Variants in GNAQ observed in about 807,000 individuals in gnomAD.
GNAQ encodes G protein subunit alpha q.
GNAQ carries 8 observed loss-of-function variants against 43.9 expected under a neutral mutation model. The observed-to-expected ratio is 0.18, with a 90% CI of 0.11 to 0.33. The LOEUF (loss-of-function observed/expected upper bound fraction) is 0.33. Among genes scored for constraint, GNAQ ranks in the 10% least tolerant of loss-of-function variants. GNAQ has a pLI of 1.00. For missense variants in GNAQ, 158 were observed against 450.8 expected, an observed-to-expected ratio of 0.35 and a Z score of 5.88; for synonymous variants, 155 against 170.7, an observed-to-expected ratio of 0.91 and a Z score of 0.71.
At chr9:77,810,007 T>C (rs1252267336) in intron 3 of GNAQ, among the ~76,000 whole-genome samples, 1 of 152,152 alleles carries the variant, frequency 6.6e-6, no homozygotes, top group Non-Finnish European at 1.5e-5. Flanking sequence ...CAAAAACCTA[T>C]TGGGTTTGTT....
intron 2 of GNAQ, among the ~76,000 whole-genome samples, chr9:77,882,408 A>G (rs984705164): frequency 6.6e-6 from 1 of 152,232 alleles, no homozygotes; most frequent in African/African-American, 2.4e-5. Flanking sequence ...CCTTTGACCC[A>G]GCAAATTACA....
At chr9:77,963,849 C>T (rs745347317) in intron 1 of GNAQ, among the ~76,000 whole-genome samples, 1 of 152,080 alleles carries the variant, frequency 6.6e-6, no homozygotes, top group South Asian at 2.1e-4. Context: ...AGGCATCCAC[C>T]TTATGGTCCT....
chr9:77,936,761 T>G (rs1829239175), intron 1 of GNAQ, among the ~76,000 whole-genome samples: 1 of 152,202 alleles, frequency 6.6e-6, no homozygotes, highest in Non-Finnish European at 1.5e-5. Context: ...AACCAAAAGC[T>G]GTAGCCTAAC....
At chr9:77,843,494 T>G (rs1229315955) in intron 2 of GNAQ, among the ~76,000 whole-genome samples, 1 of 152,170 alleles carries the variant, frequency 6.6e-6, no homozygotes, top group Non-Finnish European at 1.5e-5. Flanking sequence ...TGATTTATTG[T>G]TTATGGAGGG....
chr9:77,832,184 G>T (rs1170630922), intron 2 of GNAQ, among the ~76,000 whole-genome samples: 8 of 150,904 alleles, frequency 5.3e-5, no homozygotes, highest in Non-Finnish European at 4.4e-5. Context: ...GAAATGACTT[G>T]CTCCCTGCTT....
Position 77,829,599 on chromosome 9 carries a change from T to G in GNAQ, c.322-13829A>C, listed in dbSNP as rs1587935727. 4.6e-5 allele frequency among the ~76,000 whole-genome samples: 7 copies of G among 152,292 alleles called. No individual in the cohort carries two copies. In the South Asian group the frequency reaches 1.5e-3, roughly 32 times the overall value. On this transcript the variant is annotated intron_variant, in intron 2 of 6. Coordinates refer to ENST00000286548, the MANE Select transcript of GNAQ (RefSeq NM_002072.5). ...AGCTCCTCTCGACACAGCTGCAGCT[T>G]TGTGGCCCACCCGCAGCCTTGAGAG... is the stretch of plus-strand genomic sequence containing the variant.
chr9:77,763,089 G>A, intron 5 of GNAQ, among the ~76,000 whole-genome samples: 1 of 131,278 alleles, frequency 7.6e-6, no homozygotes, highest in Non-Finnish European at 1.6e-5. Context: ...ACCCAAGAAT[G>A]ATCAATAAAA....
chr9:77,810,289 T>C (rs1826900504), intron 3 of GNAQ, among the ~76,000 whole-genome samples: 1 of 152,066 alleles, frequency 6.6e-6, no homozygotes, highest in Non-Finnish European at 1.5e-5. Flanking sequence ...ATCCATCCTG[T>C]GTGAGGCTGT....
At chr9:77,967,499 A>C (rs1306100807) in intron 1 of GNAQ, among the ~76,000 whole-genome samples, 1 of 152,202 alleles carries the variant, frequency 6.6e-6, no homozygotes, top group Non-Finnish European at 1.5e-5. Flanking sequence ...AAGGAATTCA[A>C]GTACTGACAC....
At chr9:77,861,794 G>A (rs1827857068) in intron 2 of GNAQ, among the ~76,000 whole-genome samples, 1 of 152,140 alleles carries the variant, frequency 6.6e-6, no homozygotes, top group Non-Finnish European at 1.5e-5. Context: ...GAGGTCAGGA[G>A]TTCGAGACCA....
intron 2 of GNAQ, among the ~76,000 whole-genome samples, chr9:77,880,491 C>T (rs1828190443): frequency 1.3e-5 from 2 of 152,040 alleles, no homozygotes; most frequent in African/African-American, 4.8e-5. Flanking sequence ...AGCGACCCTC[C>T]CACCTCAGCC....
In GNAQ at chr9:77,959,341, C is replaced by T. The variant is rs564383718; in HGVS notation, c.137-36996G>A. 4.6e-5 allele frequency among the ~76,000 whole-genome samples: 7 copies of T among 152,294 alleles called. No homozygotes were observed. In the South Asian group the frequency reaches 1.5e-3, roughly 32 times the overall value. On this transcript the variant is annotated intron_variant, in intron 1 of 6. Transcript: ENST00000286548. ...CAAAGAATCATTAGTTTGCAATCAT[C>T]TGTTTTCATATATAACTTTTATTTT... is the stretch of plus-strand genomic sequence containing the variant.
At chr9:77,859,241 G>C (rs923298482) in intron 2 of GNAQ, among the ~76,000 whole-genome samples, 1 of 152,292 alleles carries the variant, frequency 6.6e-6, no homozygotes, top group Admixed American at 6.5e-5. Flanking sequence ...CTCATACTCT[G>C]CTGATGAATA....
Position 77,823,236 on chromosome 9 carries a change from G to A in GNAQ, c.322-7466C>T, listed in dbSNP as rs186157752. ...TTACAGGCGTGAGCCACCACGCCTG[G>A]CCTAGAATTTAAGTAGGAAGAAGGG... On this transcript the variant is annotated intron_variant, in intron 2 of 6. Transcript: ENST00000286548. Among the ~76,000 whole-genome samples, 237 of 152,252 alleles carry A rather than the reference G, an allele frequency of 1.6e-3. 1 individual carries two copies. The highest frequency in any genetic ancestry group is 5.1e-3 in the African/African-American group (213 of 41,544).
intron 3 of GNAQ, among the ~76,000 whole-genome samples, chr9:77,814,284 G>T (rs1022583623): frequency 6.6e-6 from 1 of 152,080 alleles, no homozygotes; most frequent in Non-Finnish European, 1.5e-5. Context: ...GAGGGAGGGA[G>T]AATGGCAGAA....
rs140113629 is a variant in GNAQ, at chr9:77,880,846, G to A, written c.321+41315C>T. ...CTGCATGGAAAGGACATGCTTCCCA[G>A]GGTCTGTCCCTGCATGACAGGTTTG... On this transcript the variant is annotated intron_variant, in intron 2 of 6. Transcript: ENST00000286548. Among the ~76,000 whole-genome samples, 369 of 152,312 alleles carry A rather than the reference G, an allele frequency of 2.4e-3. 1 individual carries two copies. Among genetic ancestry groups the A allele is most frequent in the African/African-American group, 8.1e-3 (337 of 41,574 alleles).
chr9:77,835,845 G>T (rs1201245823), intron 2 of GNAQ, among the ~76,000 whole-genome samples: 3 of 152,176 alleles, frequency 2.0e-5, no homozygotes, highest in African/African-American at 7.2e-5. Context: ...GAAGTTATTT[G>T]TGTGTGTGCC....
intron 3 of GNAQ, among the ~76,000 whole-genome samples, chr9:77,807,616 GT>G (rs1425122704): frequency 2.6e-5 from 4 of 152,160 alleles, no homozygotes; most frequent in Non-Finnish European, 5.9e-5. Context: ...GTGCAAAGCA[GT>G]ATCTCTAGAG....
intron 1 of GNAQ, among the ~76,000 whole-genome samples, chr9:77,934,078 A>G (rs575989084): frequency 6.6e-6 from 1 of 152,318 alleles, no homozygotes; most frequent in African/African-American, 2.4e-5. Context: ...TTTCCACCTT[A>G]TTGCATATTC....
Sources: gnomAD v4.1 joint callset for allele counts (sites outside exome capture counted in the v4.1 genomes callset) on GRCh38, gnomAD v4.1.1 for gene constraint, MANE v1.5 for transcripts, NCBI Gene and HGNC (gene_info 2026-07-23, HGNC 2026-07-21) for gene names.